Variants in OPHN1 observed in about 807,000 individuals in gnomAD.
OPHN1 encodes the protein oligophrenin-1.
A neutral mutation model predicts 60.7 loss-of-function variants in OPHN1; 11 were observed. That is an observed-to-expected ratio of 0.18 (90% CI 0.11 to 0.30). The LOEUF (loss-of-function observed/expected upper bound fraction) is 0.30. Ranked by LOEUF, OPHN1 falls within the 10% of genes least tolerant of loss-of-function variation. The pLI is 1.00. For missense variants in OPHN1, 449 were observed against 611.0 expected (o/e 0.73, Z 2.80); for synonymous variants, 226 against 222.6 (o/e 1.02, Z -0.14).
At chrX:68,344,365 A>C (rs1188818689) in intron 2 of OPHN1, among the ~76,000 whole-genome samples, 7 of 112,098 alleles carry the variant, frequency 6.2e-5, no homozygotes, top group Non-Finnish European at 5.6e-5. Flanking sequence ...TAATCCCAGC[A>C]CTTTGGGAAG....
chrX:68,131,881 G>A, intron 15 of OPHN1, among the ~76,000 whole-genome samples: 1 of 112,437 alleles, frequency 8.9e-6, no homozygotes, highest in Non-Finnish European at 1.9e-5. Flanking sequence ...TATAAACATT[G>A]TCTAATAATA....
chrX:68,229,089 A>G (rs759005466), intron 6 of OPHN1, among the ~76,000 whole-genome samples: 115 of 111,524 alleles, frequency 1.0e-3, no homozygotes, highest in African/African-American at 3.7e-3. Flanking sequence ...TCAATGTGCA[A>G]AAGTCACAAG....
At chrX:68,269,429 T>C (rs1300352510) in intron 5 of OPHN1, among the ~76,000 whole-genome samples, 1 of 111,077 alleles carries the variant, frequency 9.0e-6, no homozygotes, top group Admixed American at 9.6e-5. Flanking sequence ...TCAGAAATAA[T>C]GCCACATATA....
chrX:68,075,129 GA>G (rs1345572371), intron 19 of OPHN1, among the ~76,000 whole-genome samples: 1 of 112,273 alleles, frequency 8.9e-6, no homozygotes, highest in Non-Finnish European at 1.9e-5. Flanking sequence ...CTGAGAGACT[GA>G]AAAAAACAAA....
intron 21 of OPHN1, among the ~76,000 whole-genome samples, chrX:68,062,495 C>G (rs1173337517): frequency 8.9e-6 from 1 of 112,021 alleles, no homozygotes; most frequent in Admixed American, 9.4e-5. Flanking sequence ...AGCTTACAGG[C>G]TATATAAAAA....
intron 4 of OPHN1, among the ~76,000 whole-genome samples, chrX:68,277,669 T>A (rs1233010772): frequency 9.0e-6 from 1 of 110,990 alleles, no homozygotes; most frequent in Admixed American, 9.6e-5. Flanking sequence ...CACATGCCTG[T>A]AATCCCAGCT....
chrX:68,330,458 T>G (rs2147674712), intron 2 of OPHN1, among the ~76,000 whole-genome samples: 1 of 111,744 alleles, frequency 8.9e-6, no homozygotes, highest in Non-Finnish European at 1.9e-5. Context: ...GATTTAATTT[T>G]TAATTTTCCC....
intron 5 of OPHN1, among the ~76,000 whole-genome samples, chrX:68,265,015 T>C (rs1192857803): frequency 8.9e-6 from 1 of 112,016 alleles, no homozygotes; most frequent in Non-Finnish European, 1.9e-5. Context: ...CTTGAGTAGG[T>C]AAACAAAGCA....
chrX:68,313,914 GATT>G (rs914189498), intron 2 of OPHN1, among the ~76,000 whole-genome samples: 2 of 111,218 alleles, frequency 1.8e-5, no homozygotes, highest in Non-Finnish European at 3.8e-5. Flanking sequence ...ACCCTGATGT[GATT>G]ATTAACCATT....
intron 21 of OPHN1, among the ~76,000 whole-genome samples, chrX:68,060,218 C>A (rs1048283772): frequency 1.8e-5 from 2 of 110,982 alleles, no homozygotes; most frequent in Admixed American, 9.6e-5. Context: ...TTGTACCCCC[C>A]CAAAAGTAAG....
intron 15 of OPHN1, among the ~76,000 whole-genome samples, chrX:68,175,700 G>A: frequency 9.0e-6 from 1 of 111,579 alleles, no homozygotes; most frequent in Non-Finnish European, 1.9e-5. Context: ...TGACTCTCTT[G>A]TAATCTGCCT....
At chrX:68,399,201 C>T (rs941394402) in intron 2 of OPHN1, among the ~76,000 whole-genome samples, 1 of 111,276 alleles carries the variant, frequency 9.0e-6, no homozygotes, top group Non-Finnish European at 1.9e-5. Flanking sequence ...TCCATCTCCA[C>T]CCTCATCCAA....
intron 3 of OPHN1, 89 bp from the exon 4 acceptor site, chrX:68,283,206 C>A: frequency 1.3e-6 from 1 of 752,589 alleles, no homozygotes; most frequent in Non-Finnish European, 2.0e-6. Context: ...AAGTAGGGAC[C>A]AGTGCCCTAT....
chrX:68,355,854 T>C (rs2078437320), intron 2 of OPHN1, among the ~76,000 whole-genome samples: 1 of 111,086 alleles, frequency 9.0e-6, no homozygotes, highest in South Asian at 3.8e-4. Flanking sequence ...CTGGTCAACA[T>C]GACAAAACCC....
rs112525987 is a variant in OPHN1 at position 68,300,201 on chromosome X, T to C, written c.155-1105A>G. Reference sequence around the variant, plus strand: ...CCTCCATCCTGCATTTTCAAACCTATCATATGCATGGACTTACTGAGCCTG... The same window carrying C: ...CCTCCATCCTGCATTTTCAAACCTACCATATGCATGGACTTACTGAGCCTG... On this transcript the variant is annotated intron_variant, in intron 2 of 24. Transcript: ENST00000355520. Among the ~76,000 whole-genome samples the C allele has an allele frequency of 5.4e-3, 598 of 111,621 alleles. 7 individuals carry two copies. Among genetic ancestry groups the C allele is most frequent in the African/African-American group, 0.019 (568 of 30,696 alleles).
chrX:68,133,003 G>A, intron 15 of OPHN1: 1 of 475,598 alleles, frequency 2.1e-6, no homozygotes, highest in Non-Finnish European at 3.8e-6. Context: ...CCAAGCCGCC[G>A]CCGCTTCAGA....
intron 5 of OPHN1, among the ~76,000 whole-genome samples, chrX:68,252,857 T>C (rs1483206715): frequency 1.8e-5 from 2 of 110,033 alleles, no homozygotes; most frequent in African/African-American, 6.6e-5. Context: ...CATAAGTAAA[T>C]AAGAAAAAAA....
At chrX:68,204,760 G>T (rs1210232445) in intron 10 of OPHN1, among the ~76,000 whole-genome samples, 1 of 111,134 alleles carries the variant, frequency 9.0e-6, no homozygotes, top group Non-Finnish European at 1.9e-5. Flanking sequence ...GCTACTCAAT[G>T]AAAAGAGAAG....
At chrX:68,274,173 T>C (rs1433656673) in intron 5 of OPHN1, among the ~76,000 whole-genome samples, 8 of 111,686 alleles carry the variant, frequency 7.2e-5, no homozygotes, top group Non-Finnish European at 1.5e-4. Flanking sequence ...GAAATTTAGG[T>C]GGGGACACAG....
Sources: gnomAD v4.1 joint callset for allele counts (sites outside exome capture counted in the v4.1 genomes callset) on GRCh38, gnomAD v4.1.1 for gene constraint, MANE v1.5 for transcripts, NCBI Gene and HGNC (gene_info 2026-07-23, HGNC 2026-07-21) for gene names.